Variants in TJP2 observed in about 807,000 individuals in gnomAD.
TJP2 encodes tight junction protein 2, also known as Friedreich ataxia region gene X104 (tight junction protein ZO-2).
Under a neutral mutation model 133.1 loss-of-function variants are expected in TJP2, and 91 were observed. The ratio of observed to expected loss-of-function variants is 0.68; its 90% CI spans 0.58 to 0.81. The LOEUF (loss-of-function observed/expected upper bound fraction) is 0.81, where lower values mean the gene tolerates loss of function less well. TJP2 is among the 40% of genes least tolerant of loss of function. The pLI, the probability that TJP2 is intolerant of heterozygous loss-of-function variation, is 0.00. For missense variants in TJP2, 1,541 were observed against 1,565.6 expected, an observed-to-expected ratio of 0.98 and a Z score of 0.26; for synonymous variants, 592 against 583.4, an observed-to-expected ratio of 1.01 and a Z score of -0.21.
At chr9:69,226,509 T>C (rs995636125) in intron 7 of TJP2, among the ~76,000 whole-genome samples, 1 of 152,106 alleles carries the variant, frequency 6.6e-6, no homozygotes, top group Non-Finnish European at 1.5e-5. Context: ...TGCTTATTGT[T>C]TTTTTTTGAG....
chr9:69,221,623 G>C lies in TJP2; in HGVS notation c.952+127G>C, dbSNP rs1410690814. ...GGCTGGAGGGAAGTGGCGTGATCTC[G>C]GCTCACTGCAACCTCCACCTCCCGG... is the stretch of plus-strand genomic sequence containing the variant. On this transcript the variant is annotated intron_variant, in intron 5 of 22. Coordinates refer to ENST00000377245, the MANE Select transcript of TJP2 (RefSeq NM_004817.4). 3.1e-6 allele frequency: 4 copies of C among 1,276,076 alleles called. No homozygotes were observed. In the African/African-American group the frequency reaches 4.4e-5, roughly 14 times the overall value. The allele number at this position is 1,276,076 out of a possible 1,614,324, so 79.0% of individuals were successfully genotyped here.
intron 1 of TJP2, among the ~76,000 whole-genome samples, chr9:69,130,772 G>A (rs1482513670): frequency 1.3e-5 from 2 of 152,162 alleles, no homozygotes; most frequent in Non-Finnish European, 1.5e-5. Flanking sequence ...GGGTGGCTGC[G>A]AGGAAGAACA....
chr9:69,244,108 C>T lies in TJP2; in HGVS notation c.2567-2582C>T, dbSNP rs576043011. 4.3e-4 allele frequency among the ~76,000 whole-genome samples: 64 copies of T among 147,678 alleles called. 1 individual carries two copies. The highest frequency in any genetic ancestry group is 7.1e-3 in the Middle Eastern group (2 of 282). On this transcript the variant is annotated intron_variant, in intron 17 of 22. Transcript: ENST00000377245. ...CTGAGGTGGGAGGATCACTTAAGCC[C>T]GGGAGCTGGAGGTTGCAGTGAGCCG...
At position 69,254,440 on chromosome 9, in the gene TJP2, G is replaced by A. The variant is rs747099873; in HGVS notation, c.*66G>A. ...TCAGACTAGCCACTCCTGCCAGGCC[G>A]CCGGGATGGTTCTTCTCCAGTTAGA... On this transcript the variant is annotated 3_prime_UTR_variant, in exon 23 of 23. Coordinates refer to ENST00000377245, the MANE Select transcript of TJP2 (RefSeq NM_004817.4). 6.1e-5 allele frequency: 98 copies of A among 1,598,680 alleles called. No homozygotes were observed. The highest frequency in any genetic ancestry group is 4.1e-4 in the Middle Eastern group (2 of 4,886).
upstream of TJP2, among the ~76,000 whole-genome samples, chr9:69,169,621 A>C (rs1374190371): frequency 6.6e-6 from 1 of 152,032 alleles, no homozygotes; most frequent in Non-Finnish European, 1.5e-5. Context: ...CGGCCTCCCA[A>C]AGTTTTGGGA....
chr9:69,235,425 C>T (rs531643648), intron 12 of TJP2, among the ~76,000 whole-genome samples: 11 of 152,146 alleles, frequency 7.2e-5, no homozygotes, highest in African/African-American at 2.4e-4. Context: ...CAGGTTCACC[C>T]CATTCTCCTG....
rs746386691 is a variant in TJP2, at chr9:69,196,946, TAC to T, written c.61-15572_61-15571del. Among the ~76,000 whole-genome samples, 664 of 134,204 alleles carry T rather than the reference TAC, an allele frequency of 4.9e-3. 3 individuals are homozygous for T. The highest frequency in any genetic ancestry group is 7.2e-3 in the Non-Finnish European group (438 of 60,646). 88.0% of individuals were successfully genotyped at this position (134,204 alleles called of 152,430 possible). On this transcript the variant is annotated intron_variant, in intron 1 of 22. Coordinates refer to ENST00000377245, the MANE Select transcript of TJP2 (RefSeq NM_004817.4). ...ATATATATGTGTGTGTGTGTGTGTG[TAC>T]ACACACACACACACACACACACACA...
chr9:69,212,142 A>G (rs1827964666), intron 1 of TJP2, among the ~76,000 whole-genome samples: 1 of 152,214 alleles, frequency 6.6e-6, no homozygotes, highest in Non-Finnish European at 1.5e-5. Context: ...ATATTTTTAG[A>G]CATAAACATG....
intron 1 of TJP2, among the ~76,000 whole-genome samples, chr9:69,203,505 T>C (rs958828601): frequency 6.6e-6 from 1 of 151,464 alleles, no homozygotes; most frequent in African/African-American, 2.4e-5. Context: ...GGTTTCAACA[T>C]GTTGGCCAGG....
chr9:69,193,531 A>G (rs984343574), intron 1 of TJP2, among the ~76,000 whole-genome samples: 1 of 148,898 alleles, frequency 6.7e-6, no homozygotes, highest in African/African-American at 2.5e-5. Context: ...AAAAAACGTC[A>G]GCCCATACCT....
intron 17 of TJP2, 185 bp from the exon 18 acceptor site, chr9:69,246,505 T>C: frequency 1.6e-6 from 1 of 632,758 alleles, no homozygotes; most frequent in Non-Finnish European, 2.9e-6. Context: ...CTCAAACAGC[T>C]ACATGATTAG....
chr9:69,127,183 C>T (rs1490730115), intron 1 of TJP2, among the ~76,000 whole-genome samples: 2 of 73,768 alleles, frequency 2.7e-5, no homozygotes, highest in Non-Finnish European at 6.1e-5. Context: ...CATTCTCCTG[C>T]CTCAGCCTCC....
At chr9:69,129,731 G>A (rs990267246) in intron 1 of TJP2, among the ~76,000 whole-genome samples, 4 of 152,048 alleles carry the variant, frequency 2.6e-5, no homozygotes, top group African/African-American at 9.7e-5. Flanking sequence ...GAGGTCAGGA[G>A]TTCGAGACCA....
At chr9:69,223,346 C>T (rs1829059021) in intron 5 of TJP2, among the ~76,000 whole-genome samples, 1 of 152,084 alleles carries the variant, frequency 6.6e-6, no homozygotes, top group African/African-American at 2.4e-5. Flanking sequence ...CTCGCTCTTT[C>T]GCCCAGGGTG....
chr9:69,122,522 G>T (rs77399146), intron 1 of TJP2, among the ~76,000 whole-genome samples: 1 of 152,296 alleles, frequency 6.6e-6, no homozygotes, highest in East Asian at 1.9e-4. Flanking sequence ...GGGAGGGGCC[G>T]AGCTTGTCAG....
At chr9:69,217,553 C>T (rs1828484218) in intron 3 of TJP2, among the ~76,000 whole-genome samples, 1 of 152,064 alleles carries the variant, frequency 6.6e-6, no homozygotes, top group Non-Finnish European at 1.5e-5. Flanking sequence ...ATGGCATGTA[C>T]CTACTCGGGT....
At chr9:69,243,828 C>T (rs1030903343) in intron 17 of TJP2, among the ~76,000 whole-genome samples, 23 of 152,074 alleles carry the variant, frequency 1.5e-4, no homozygotes, top group African/African-American at 3.6e-4. Flanking sequence ...CACTGTTAAC[C>T]GAGCCACGTG....
chr9:69,196,420 A>G (rs1384334221), intron 1 of TJP2, among the ~76,000 whole-genome samples: 6 of 152,182 alleles, frequency 3.9e-5, no homozygotes, highest in African/African-American at 1.4e-4. Flanking sequence ...ATTTCTCTAC[A>G]TGCACTGTCT....
intron 4 of TJP2, among the ~76,000 whole-genome samples, chr9:69,220,471 T>G (rs939619394): frequency 6.6e-6 from 1 of 152,226 alleles, no homozygotes; most frequent in African/African-American, 2.4e-5. Context: ...TAACATTAGG[T>G]CTTATTTCTT....
Sources: gnomAD v4.1 joint callset for allele counts (sites outside exome capture counted in the v4.1 genomes callset) on GRCh38, gnomAD v4.1.1 for gene constraint, MANE v1.5 for transcripts, NCBI Gene and HGNC (gene_info 2026-07-23, HGNC 2026-07-21) for gene names.